The following RGP1 variants were observed in gnomAD, a reference collection of about 807,000 sequenced individuals.
RGP1 encodes RAB6A-GEF complex partner protein 2.
Under a neutral mutation model 44.5 loss-of-function variants are expected in RGP1, and 28 were observed. The ratio of observed to expected loss-of-function variants is 0.63; its 90% CI spans 0.47 to 0.86. The LOEUF (loss-of-function observed/expected upper bound fraction) is 0.86. RGP1 is among the 40% of genes least tolerant of loss of function. The pLI, the probability that RGP1 is intolerant of heterozygous loss-of-function variation, is 0.00. For missense variants in RGP1, 417 were observed against 490.7 expected (o/e 0.85, Z 1.42); for synonymous variants, 212 against 196.7 (o/e 1.08, Z -0.65).
chr9:35,751,876 G>C (rs1827271300), intron 7 of RGP1, 80 bp from the exon 8 acceptor site: 12 of 1,566,340 alleles, frequency 7.7e-6, no homozygotes, highest in Non-Finnish European at 1.0e-5. Flanking sequence ...GGGTCCCTTT[G>C]TAAAACAGCT....
intron 8 of RGP1, among the ~76,000 whole-genome samples, chr9:35,752,357 C>T (rs1040877660): frequency 6.6e-6 from 1 of 152,184 alleles, no homozygotes; most frequent in African/African-American, 2.4e-5. Context: ...AACTCCTTCC[C>T]CACACCTACC....
chr9:35,768,382 G>A, the RGP1 span, among the ~76,000 whole-genome samples: 779 of 152,270 alleles, frequency 5.1e-3, 4 homozygotes, highest in Non-Finnish European at 9.2e-3. Flanking sequence ...TATTTTGAAA[G>A]AGACATCAGT....
At chr9:35,770,510 AGAG>A in the RGP1 span, among the ~76,000 whole-genome samples, 2 of 120,574 alleles carry the variant, frequency 1.7e-5, no homozygotes, top group Non-Finnish European at 3.4e-5. Context: ...AGAGAGAGAG[AGAG>A]AGAGAGAGAG....
At chr9:35,771,278 A>G in the RGP1 span, among the ~76,000 whole-genome samples, 5 of 152,284 alleles carry the variant, frequency 3.3e-5, no homozygotes, top group South Asian at 1.0e-3. Context: ...CCCGGAGCAC[A>G]GCCAGCTTTA....
chr9:35,789,600 C>G, the RGP1 span, among the ~76,000 whole-genome samples: 1 of 149,660 alleles, frequency 6.7e-6, no homozygotes, highest in African/African-American at 2.4e-5. Flanking sequence ...TAATCCCTAA[C>G]ATAATGAAGA....
the RGP1 span, among the ~76,000 whole-genome samples, chr9:35,779,121 C>T: frequency 6.6e-6 from 1 of 152,182 alleles, no homozygotes; most frequent in Admixed American, 6.5e-5. Flanking sequence ...GGACTAAATA[C>T]TGCACGTTCT....
Position 35,752,991 on chromosome 9 carries a change from T to G in RGP1, c.*117T>G, listed in dbSNP as rs371177398. ...TGTCGTGGACAGTGAGAGTCGGGCT[T>G]TCAGCTATAGCATTAATTTATTTGT... On this transcript the variant is annotated 3_prime_UTR_variant, in exon 9 of 9. Transcript: ENST00000378078. 4 of 1,535,158 alleles carry G rather than the reference T, an allele frequency of 2.6e-6. No individual in the cohort carries two copies.
the RGP1 span, among the ~76,000 whole-genome samples, chr9:35,788,406 A>G: frequency 1.3e-5 from 2 of 152,168 alleles, no homozygotes; most frequent in African/African-American, 2.4e-5. Context: ...TGTCTCTACT[A>G]AAAACAAAAA....
At chr9:35,758,600 A>G (rs1827389920), downstream of RGP1, 1 of 152,152 alleles carries the variant, frequency 6.6e-6, no homozygotes, top group Non-Finnish European at 1.5e-5. Context: ...AGAAAAGAAA[A>G]TGTCTTACTT....
rs1278846887 is a variant in RGP1 at position 35,754,132 on chromosome 9, C to A, written c.*1258C>A. ...GCCCAGAGCATCCTTAGGGCCATTG[C>A]TGCTGCACAGCCCTCTCAGACCCTT... On this transcript the variant is annotated 3_prime_UTR_variant, in exon 9 of 9. Transcript: ENST00000378078. The A allele has an allele frequency of 1.2e-6, 2 of 1,611,488 alleles. No homozygotes were observed. The highest frequency in any genetic ancestry group is 1.7e-6 in the Non-Finnish European group (2 of 1,178,566).
rs1408618421 is a variant in RGP1 at position 35,751,022 on chromosome 9, G to T, written c.487+33G>T. 5 of 1,610,020 alleles carry T rather than the reference G, an allele frequency of 3.1e-6. 1 individual carries two copies. In the South Asian group the frequency reaches 5.5e-5, roughly 18 times the overall value. Reference sequence around the variant, plus strand: ...AGGGCTCCTGGAGGGAAGGGCTGGGGAAGGGCGATGCCAAAGCAGAAATTG... The same window carrying T: ...AGGGCTCCTGGAGGGAAGGGCTGGGTAAGGGCGATGCCAAAGCAGAAATTG... On this transcript the variant is annotated intron_variant, in intron 5 of 8. Coordinates refer to ENST00000378078, the MANE Select transcript of RGP1 (RefSeq NM_001080496.3).
At chr9:35,776,530 A>G in the RGP1 span, among the ~76,000 whole-genome samples, 4 of 150,308 alleles carry the variant, frequency 2.7e-5, no homozygotes, top group Non-Finnish European at 4.4e-5. Context: ...CAGGTGATCT[A>G]CCTCCCTCGG....
At chr9:35,758,956 A>G (rs1827394894), downstream of RGP1, among the ~76,000 whole-genome samples, 1 of 152,110 alleles carries the variant, frequency 6.6e-6, no homozygotes, top group South Asian at 2.1e-4. Flanking sequence ...TGCATGGTCC[A>G]CTTCTGCCTT....
the RGP1 span, among the ~76,000 whole-genome samples, chr9:35,786,169 T>C: frequency 1.3e-5 from 2 of 152,258 alleles, no homozygotes; most frequent in African/African-American, 2.4e-5. Flanking sequence ...GAAGCAGTGA[T>C]AACCATGTTT....
At chr9:35,763,012 C>G (rs965739421), downstream of RGP1, among the ~76,000 whole-genome samples, 1 of 152,180 alleles carries the variant, frequency 6.6e-6, no homozygotes, top group Non-Finnish European at 1.5e-5. Flanking sequence ...TAGTTCAAAT[C>G]TTTTGTTTCT....
At chr9:35,774,613 A>C in the RGP1 span, among the ~76,000 whole-genome samples, 66 of 152,128 alleles carry the variant, frequency 4.3e-4, no homozygotes, top group South Asian at 1.2e-3. Context: ...AGTCCCAGCT[A>C]CTGGGGAGGC....
chr9:35,767,282 G>GT, the RGP1 span, among the ~76,000 whole-genome samples: 33 of 101,774 alleles, frequency 3.2e-4, no homozygotes, highest in East Asian at 2.0e-3. Flanking sequence ...TAAGCAAATT[G>GT]GTTTTTTTTT....
chr9:35,778,735 C>T, the RGP1 span, among the ~76,000 whole-genome samples: 4 of 152,204 alleles, frequency 2.6e-5, no homozygotes, highest in African/African-American at 9.7e-5. Context: ...TGTTTGCTTT[C>T]TCTTAAGCCC....
Position 35,751,707 on chromosome 9 carries a change from G to A in RGP1, c.715G>A (p.Val239Met), listed in dbSNP as rs759223769. 3.7e-6 allele frequency: 6 copies of A among 1,613,952 alleles called. No individual in the cohort carries two copies. The highest frequency in any genetic ancestry group is 1.1e-5 in the South Asian group (1 of 91,086). Residue 239 changes from valine to methionine, a missense_variant, in exon 7 of 9, where the codon GTG becomes ATG. Physicochemically the swap from Val to Met is conservative, Grantham distance 21 (BLOSUM62 1). Transcript: ENST00000378078. ...ATCTGTGTACAGACTTGGCGAGGAC[G>A]TGGTGGGGACCTTAAACTTAGGGGA... ...FKSVYRLGEDVVGTLNLGEGT... is the reference protein window; with the variant it reads ...FKSVYRLGEDMVGTLNLGEGT...
Sources: allele counts gnomAD v4.1 joint callset (sites outside exome capture counted in the v4.1 genomes callset), GRCh38; gene constraint gnomAD v4.1.1; transcripts MANE v1.5; gene names NCBI Gene and HGNC (gene_info 2026-07-23, HGNC 2026-07-21).